Variants in CAMK1D observed in about 807,000 individuals in gnomAD.
The protein encoded by CAMK1D is calcium/calmodulin-dependent protein kinase type 1D.
A neutral mutation model predicts 47.7 loss-of-function variants in CAMK1D; 9 were observed. The observed-to-expected ratio is 0.19, with a 90% CI of 0.11 to 0.33. The LOEUF (loss-of-function observed/expected upper bound fraction) is 0.33. Ranked by LOEUF, CAMK1D falls within the 10% of genes least tolerant of loss-of-function variation. The pLI is 1.00. For synonymous variants in CAMK1D, 184 were observed against 184.9 expected (o/e 0.99, Z 0.04); for missense variants, 291 against 488.7 (o/e 0.60, Z 3.81).
chr10:12,496,243 C>T (rs546734147), intron 1 of CAMK1D, among the ~76,000 whole-genome samples: 2 of 152,308 alleles, frequency 1.3e-5, no homozygotes, highest in Admixed American at 1.3e-4. Flanking sequence ...AAACCTGAGA[C>T]ACTTAAACTT....
chr10:12,572,485 A>G (rs1837358071), intron 2 of CAMK1D, among the ~76,000 whole-genome samples: 1 of 152,294 alleles, frequency 6.6e-6, no homozygotes, highest in South Asian at 2.1e-4. Flanking sequence ...AATGTTGGGA[A>G]GATGAGGGAT....
chr10:12,520,134 T>C (rs12267800), intron 1 of CAMK1D, among the ~76,000 whole-genome samples: 3,292 of 64,964 alleles, frequency 0.051, 253 homozygotes, highest in Admixed American at 0.082. Context: ...ACTTCCCAGA[T>C]GGGGTGGCTG....
chr10:12,380,498 A>G (rs1838306907), intron 1 of CAMK1D, among the ~76,000 whole-genome samples: 1 of 152,092 alleles, frequency 6.6e-6, no homozygotes, highest in Non-Finnish European at 1.5e-5. Context: ...TTTTCATGTG[A>G]TTATTGCCCG....
intron 3 of CAMK1D, among the ~76,000 whole-genome samples, chr10:12,676,076 C>T (rs1179854703): frequency 6.6e-6 from 1 of 152,160 alleles, no homozygotes; most frequent in Non-Finnish European, 1.5e-5. Context: ...TCTCAGCCTC[C>T]TGAGTAGCTG....
intron 3 of CAMK1D, among the ~76,000 whole-genome samples, chr10:12,679,949 C>T (rs1840936943): frequency 6.6e-6 from 1 of 152,246 alleles, no homozygotes; most frequent in Admixed American, 6.5e-5. Context: ...TTGCGAGTTA[C>T]AGTGGCTCCT....
intron 2 of CAMK1D, among the ~76,000 whole-genome samples, chr10:12,655,512 G>C (rs747775306): frequency 2.6e-5 from 4 of 152,106 alleles, no homozygotes; most frequent in Non-Finnish European, 5.9e-5. Flanking sequence ...TTTTCATTCT[G>C]GTGTGTAGCT....
chr10:12,618,494 A>C (rs961945257), intron 2 of CAMK1D, among the ~76,000 whole-genome samples: 1 of 152,222 alleles, frequency 6.6e-6, no homozygotes, highest in African/African-American at 2.4e-5. Flanking sequence ...GTCCATAAAG[A>C]GTATCATGGA....
At chr10:12,561,215 A>G (rs1178228576) in intron 2 of CAMK1D, among the ~76,000 whole-genome samples, 2 of 152,104 alleles carry the variant, frequency 1.3e-5, no homozygotes, top group Non-Finnish European at 2.9e-5. Flanking sequence ...AAATAAAACC[A>G]TGCAATCCCC....
intron 3 of CAMK1D, among the ~76,000 whole-genome samples, chr10:12,729,299 C>A (rs999631029): frequency 3.3e-5 from 5 of 152,110 alleles, no homozygotes; most frequent in African/African-American, 1.2e-4. Context: ...AATAAATAAG[C>A]AAATTCTGTA....
At chr10:12,447,036 G>T (rs7092431) in intron 1 of CAMK1D, among the ~76,000 whole-genome samples, 1 of 152,310 alleles carries the variant, frequency 6.6e-6, no homozygotes, top group African/African-American at 2.4e-5. Flanking sequence ...TTAAGACAAC[G>T]TCTCCTTTTC....
At chr10:12,431,095 T>A (rs1223051274) in intron 1 of CAMK1D, among the ~76,000 whole-genome samples, 2 of 152,260 alleles carry the variant, frequency 1.3e-5, no homozygotes, top group Non-Finnish European at 2.9e-5. Context: ...TTTTTTATAA[T>A]AAATTAGGAG....
At chr10:12,634,160 C>A (rs1839452629) in intron 2 of CAMK1D, among the ~76,000 whole-genome samples, 1 of 152,144 alleles carries the variant, frequency 6.6e-6, no homozygotes, top group Non-Finnish European at 1.5e-5. Flanking sequence ...CAGTCCCATC[C>A]TGGGTAAGAA....
intron 5 of CAMK1D, among the ~76,000 whole-genome samples, chr10:12,783,994 G>T (rs546769145): frequency 1.3e-5 from 2 of 152,204 alleles, no homozygotes; most frequent in South Asian, 4.2e-4. Context: ...AGGCTGAGTG[G>T]TTTACATGGA....
At chr10:12,435,959 T>C (rs1464399901) in intron 1 of CAMK1D, among the ~76,000 whole-genome samples, 1 of 152,138 alleles carries the variant, frequency 6.6e-6, no homozygotes, top group Non-Finnish European at 1.5e-5. Context: ...CCCTTGTCTG[T>C]AGATGAGCAG....
intron 2 of CAMK1D, among the ~76,000 whole-genome samples, chr10:12,570,839 C>A (rs891815243): frequency 6.6e-6 from 1 of 152,076 alleles, no homozygotes; most frequent in African/African-American, 2.4e-5. Flanking sequence ...TGCTTCCCAG[C>A]TACTCAGGAG....
chr10:12,356,994 T>C (rs1055997017), intron 1 of CAMK1D, among the ~76,000 whole-genome samples: 3 of 152,080 alleles, frequency 2.0e-5, no homozygotes, highest in Non-Finnish European at 2.9e-5. Flanking sequence ...TGGGTCTCTG[T>C]AAATCTCTTT....
rs189291803 is a variant in CAMK1D, at chr10:12,415,255, C to A, written c.92+65345C>A. Among the ~76,000 whole-genome samples, 56 of 151,396 alleles carry A rather than the reference C, an allele frequency of 3.7e-4. 1 individual carries two copies. The highest frequency in any genetic ancestry group is 7.7e-4 in the Non-Finnish European group (52 of 67,734). ...ATCTGCTAGCCATTTCCTTGAGTAT[C>A]TTGGAGTATTTGCTGGTGATATATG... On this transcript the variant is annotated intron_variant, in intron 1 of 10. Transcript: ENST00000619168.
chr10:12,450,096 A>G lies in CAMK1D; in HGVS notation c.92+100186A>G, dbSNP rs541534331. On this transcript the variant is annotated intron_variant, in intron 1 of 10. Transcript: ENST00000619168. ...TCAATCTCTGTTCCTTCACCCAAGG[A>G]AGGAAAGAAGGAAGGAAGGGAGGGA... Among the ~76,000 whole-genome samples, 4 of 140,230 alleles carry G rather than the reference A, an allele frequency of 2.9e-5. No individual in the cohort carries two copies. The South Asian group carries it at 1.1e-3, about 39-fold the overall frequency. 92.0% of individuals were successfully genotyped at this position (140,230 alleles called of 152,430 possible).
intron 1 of CAMK1D, among the ~76,000 whole-genome samples, chr10:12,400,700 G>A (rs1003347995): frequency 1.3e-5 from 2 of 152,070 alleles, no homozygotes; most frequent in African/African-American, 4.8e-5. Flanking sequence ...ATCCCCACTT[G>A]AGGGCTTTAT....
Sources: allele counts gnomAD v4.1 joint callset (sites outside exome capture counted in the v4.1 genomes callset), GRCh38; gene constraint gnomAD v4.1.1; transcripts MANE v1.5; gene names NCBI Gene and HGNC (gene_info 2026-07-23, HGNC 2026-07-21).